FBXO41: variants seen among roughly 807,000 people sequenced by gnomAD.
FBXO41 encodes F-box protein 41, also known as F-box only protein 41.
In FBXO41, 33 loss-of-function variants were observed where a neutral mutation model predicts 81.6. The ratio of observed to expected loss-of-function variants is 0.40; its 90% CI spans 0.31 to 0.54. The LOEUF is 0.54. Ranked by LOEUF, FBXO41 falls within the 20% of genes least tolerant of loss-of-function variation. The probability of loss-of-function intolerance (pLI) is 0.39; values close to 1 mark genes in which losing one functional copy is unlikely to be tolerated. For missense variants in FBXO41, 1,107 were observed against 1,236.0 expected (o/e 0.90, Z 1.56); for synonymous variants, 576 against 552.7 (o/e 1.04, Z -0.59).
chr2:73,259,384 A>C lies in FBXO41; in HGVS notation c.2450-88T>G. 24 of 1,094,578 alleles carry C rather than the reference A, an allele frequency of 2.2e-5. No individual in the cohort carries two copies. Among genetic ancestry groups the C allele is most frequent in the Non-Finnish European group, 2.9e-5 (21 of 723,000 alleles). The allele number at this position is 1,094,578 out of a possible 1,614,324, so 67.8% of individuals were successfully genotyped here. A position where few individuals can be genotyped will look rare whatever the true frequency, so the allele number is the denominator to read the frequency against. On this transcript the variant is annotated intron_variant, in intron 11 of 12. Transcript: ENST00000520530. This position sits in a 1 kb window ranked among gnomAD's most constrained non-coding sequence, Gnocchi z 4.2. ...TCTCACTAATTAATGAAATCAGACA[A>C]TCAGGTGCCAGCTACCGGGAACACG... is the stretch of plus-strand genomic sequence containing the variant.
chr2:73,265,621 C>G lies in FBXO41; in HGVS notation c.1225G>C (p.Ala409Pro). The G allele has an allele frequency of 3.3e-6, 5 of 1,518,682 alleles. No individual in the cohort carries two copies. The highest frequency in any genetic ancestry group is 1.8e-4 in the Middle Eastern group (1 of 5,628). 94.1% of individuals were successfully genotyped at this position (1,518,682 alleles called of 1,614,324 possible). A position where few individuals can be genotyped will look rare whatever the true frequency, so the allele number is the denominator to read the frequency against. Reference sequence around the variant, plus strand: ...TAGCAGCCTGAGCTCTGGGATGCGGCTGGCACACGGCTGGAGGCCCTGGGG... The same window carrying G: ...TAGCAGCCTGAGCTCTGGGATGCGGGTGGCACACGGCTGGAGGCCCTGGGG... ...PSTGASSRVP[A>P]ASQSSGCYDS... Residue 409 changes from alanine to proline, a missense_variant, in exon 5 of 13, where the codon GCC becomes CCC. Around this residue, in one of 2 missense-constraint regions of FBXO41, gnomAD observed 771 missense variants for 789.2 expected, o/e 0.98. Coordinates refer to ENST00000520530, the MANE Select transcript of FBXO41 (RefSeq NM_001371389.2).
At chr2:73,264,965 G>T (rs1003037823) in intron 5 of FBXO41, among the ~76,000 whole-genome samples, 1 of 152,020 alleles carries the variant, frequency 6.6e-6, no homozygotes, top group African/African-American at 2.4e-5. Context: ...CTGTGAATAC[G>T]GTGGGGGGCC....
rs942940607 is a variant in FBXO41, at chr2:73,256,468, G to A, written c.*2514C>T. 2 of 152,206 alleles carry A rather than the reference G, an allele frequency of 1.3e-5. No individual in the cohort carries two copies. The highest frequency in any genetic ancestry group is 2.9e-5 in the Non-Finnish European group (2 of 68,130). 9.4% of individuals were successfully genotyped at this position (152,206 alleles called of 1,614,324 possible). ...TGCCAGTGCTTGGGCATGCATGAAG[G>A]CTAGGGGGCACAAGTCTGTCAGCCC... On this transcript the variant is annotated 3_prime_UTR_variant, in exon 13 of 13. Coordinates refer to ENST00000520530, the MANE Select transcript of FBXO41 (RefSeq NM_001371389.2).
rs370256664 is a variant in FBXO41, at chr2:73,264,511, C to G, written c.1573G>C (p.Glu525Gln). 1 of 1,613,446 alleles carries G rather than the reference C, an allele frequency of 6.2e-7. No individual in the cohort carries two copies. Among genetic ancestry groups the G allele is most frequent in the African/African-American group, 1.3e-5 (1 of 74,896 alleles). ...LSSCRLSARPEGGSGRGRRAE... is the reference protein window; with the variant it reads ...LSSCRLSARPQGGSGRGRRAE... ...CGCCGACCCCGCCCACTGCCTCCCTCGGGGCGGGCTGCAGAATACCAGGGG... is the reference window on the plus strand; with the variant it reads ...CGCCGACCCCGCCCACTGCCTCCCTGGGGGCGGGCTGCAGAATACCAGGGG... Residue 525 changes from glutamate to glutamine, a missense_variant, in exon 6 of 13, where the codon GAG becomes CAG. Physicochemically the swap from Glu to Gln is conservative, Grantham distance 29. Coordinates refer to ENST00000520530, the MANE Select transcript of FBXO41 (RefSeq NM_001371389.2).
chr2:73,260,432 G>C lies in FBXO41; in HGVS notation c.2406C>G (p.Leu802=), dbSNP rs1286356739. ...CCTTAGGGGTGACGGGAGTCGCCGT[G>C]AGCACCAGCATCTCCAGTCCCTTCA... The part of the protein sequence containing the change: ...EGLKGLEMLV[L]TATPVTPKAL... Residue 802 remains leucine (L), a synonymous_variant, in exon 11 of 13, where the codon CTC becomes CTG. Coordinates refer to ENST00000520530, the MANE Select transcript of FBXO41 (RefSeq NM_001371389.2). This position sits in a 1 kb window ranked among gnomAD's most constrained non-coding sequence, Gnocchi z 5.0. 2 of 1,610,724 alleles carry C rather than the reference G, an allele frequency of 1.2e-6. No individual in the cohort carries two copies. The highest frequency in any genetic ancestry group is 3.4e-5 in the Admixed American group (2 of 59,678).
chr2:73,274,055 A>G (rs774519970), intron 1 of FBXO41, among the ~76,000 whole-genome samples: 5 of 152,072 alleles, frequency 3.3e-5, no homozygotes, highest in Non-Finnish European at 5.9e-5. Flanking sequence ...ACCTCATCAC[A>G]TCTAGACTGC....
intron 1 of FBXO41, among the ~76,000 whole-genome samples, chr2:73,276,760 G>C (rs1688703359): frequency 6.6e-6 from 1 of 151,890 alleles, no homozygotes; most frequent in African/African-American, 2.4e-5. Context: ...TGCTTTTCTA[G>C]GAAAATATAA....
intron 1 of FBXO41, among the ~76,000 whole-genome samples, chr2:73,276,878 A>T (rs1236828187): frequency 6.7e-6 from 1 of 150,358 alleles, no homozygotes; most frequent in African/African-American, 2.5e-5. Flanking sequence ...GAGTTCACAC[A>T]CATACAGAAC....
intron 1 of FBXO41, among the ~76,000 whole-genome samples, chr2:73,279,569 G>T (rs375810167): frequency 1.3e-5 from 2 of 152,260 alleles, no homozygotes; most frequent in African/African-American, 4.8e-5. Flanking sequence ...TCCAGGAGAG[G>T]AGTGAGCAAC....
chr2:73,272,874 GA>G (rs1430670231), intron 1 of FBXO41: 1 of 152,248 alleles, frequency 6.6e-6, no homozygotes, highest in East Asian at 1.9e-4. Context: ...TGTATTGCCA[GA>G]AAGCCCCCAC....
chr2:73,270,973 A>T, intron 1 of FBXO41: 1 of 530,446 alleles, frequency 1.9e-6, no homozygotes, highest in Middle Eastern at 3.2e-4. Context: ...CCATCTTCAC[A>T]GCTGCCATGA....
rs1002291639 is a variant in FBXO41 at position 73,284,422 on chromosome 2, G to T, written c.-401C>A. ...GGAGGAGGAGGAGGAGGAGGGGGAG[G>T]AGGGGGCGCGCGGGCCGAGGAAAGC... On this transcript the variant is annotated 5_prime_UTR_variant, in exon 1 of 13. Transcript: ENST00000520530. This position sits in a 1 kb window ranked among gnomAD's most constrained non-coding sequence, Gnocchi z 7.4. 1 of 152,596 alleles carries T rather than the reference G, an allele frequency of 6.6e-6. No individual in the cohort carries two copies. The highest frequency in any genetic ancestry group is 6.5e-5 in the Admixed American group (1 of 15,294). 9.5% of individuals were successfully genotyped at this position (152,596 alleles called of 1,614,324 possible).
At position 73,284,004 on chromosome 2, in the gene FBXO41, G is replaced by T. The variant is rs1034589510; in HGVS notation, c.-139+156C>A. 1.3e-5 allele frequency: 2 copies of T among 152,306 alleles called. No homozygotes were observed. The highest frequency in any genetic ancestry group is 1.3e-4 in the Admixed American group (2 of 15,288). The allele number at this position is 152,306 out of a possible 1,614,324, so 9.4% of individuals were successfully genotyped here. ...TTAAATTAACCCCTTCCCTGCCTCT[G>T]GTCTGGCCTGCCCAGAATCCCTCCC... On this transcript the variant is annotated intron_variant, in intron 1 of 12. Transcript: ENST00000520530. This position sits in a 1 kb window ranked among gnomAD's most constrained non-coding sequence, Gnocchi z 7.4.
rs999040170 is a variant in FBXO41, at chr2:73,260,557, G to A, written c.2291-10C>T. On this transcript the variant is annotated splice_polypyrimidine_tract_variant and intron_variant, in intron 10 of 12. Transcript: ENST00000520530. This position sits in a 1 kb window ranked among gnomAD's most constrained non-coding sequence, Gnocchi z 5.0. Reference sequence around the variant, plus strand: ...CGCATGCAGTTTCTCGCTAGGAAGAGGAAGAAGGGGGATCCTGCTGACACA... The same window carrying A: ...CGCATGCAGTTTCTCGCTAGGAAGAAGAAGAAGGGGGATCCTGCTGACACA... 1.2e-5 allele frequency: 19 copies of A among 1,578,946 alleles called. No individual in the cohort carries two copies. The Admixed American group carries it at 1.6e-4, about 14-fold the overall frequency.
At chr2:73,264,197 C>T (rs1373841812) in intron 6 of FBXO41, 81 bp downstream of exon 6, 1 of 1,598,148 alleles carries the variant, frequency 6.3e-7, no homozygotes, top group Non-Finnish European at 8.5e-7. Flanking sequence ...GTTGCAAGGA[C>T]CAGACCTCAA....
In FBXO41 at chr2:73,266,757, A is replaced by T. The variant is rs1688295241; in HGVS notation, c.906-75T>A. 9 of 1,454,236 alleles carry T rather than the reference A, an allele frequency of 6.2e-6. No individual in the cohort carries two copies. The highest frequency in any genetic ancestry group is 2.9e-5 in the African/African-American group (2 of 69,344). The allele number at this position is 1,454,236 out of a possible 1,614,324, so 90.1% of individuals were successfully genotyped here. A position where few individuals can be genotyped will look rare whatever the true frequency, so the allele number is the denominator to read the frequency against. On this transcript the variant is annotated intron_variant, in intron 2 of 12. Transcript: ENST00000520530. The surrounding 1 kb of genome is among the most constrained non-coding windows in gnomAD (Gnocchi z 5.3). ...CCACCCTCTGGAGGAGAGCCTGGCC[A>T]GTGCGGGGAGACACTGGCACAGCTG...
intron 1 of FBXO41, among the ~76,000 whole-genome samples, chr2:73,276,659 A>T (rs1461097758): frequency 6.6e-6 from 1 of 151,612 alleles, no homozygotes; most frequent in South Asian, 2.1e-4. Flanking sequence ...GGGGGAAAAA[A>T]AAAGATAACT....
In FBXO41 at chr2:73,268,858, A is replaced by T. The variant is rs1219045143; in HGVS notation, c.773T>A (p.Leu258His). 2 of 1,567,340 alleles carry T rather than the reference A, an allele frequency of 1.3e-6. No individual in the cohort carries two copies. The highest frequency in any genetic ancestry group is 1.7e-6 in the Non-Finnish European group (2 of 1,158,186). ...LETARQESAR[L>H]GREKEELEER... ...CTCCAGCTCCTCCTTCTCGCGCCCG[A>T]GCCTCGCACTCTCCTGCCGCGCAGT... The change falls in exon 2 of 13, where the codon CTC becomes CAC. Residue 258 changes from leucine to histidine, a missense_variant. This residue lies in a region of FBXO41 where 771 missense variants were observed against 789.2 expected (regional missense o/e 0.98). Transcript: ENST00000520530.
chr2:73,266,056 G>T lies in FBXO41; in HGVS notation c.1132-90C>A. The T allele has an allele frequency of 8.8e-7, 1 of 1,130,464 alleles. No individual in the cohort carries two copies. The highest frequency in any genetic ancestry group is 1.3e-6 in the Non-Finnish European group (1 of 770,968). The allele number at this position is 1,130,464 out of a possible 1,614,324, so 70.0% of individuals were successfully genotyped here. A position where few individuals can be genotyped will look rare whatever the true frequency, so the allele number is the denominator to read the frequency against. On this transcript the variant is annotated intron_variant, in intron 3 of 12. Transcript: ENST00000520530. The surrounding 1 kb of genome is among the most constrained non-coding windows in gnomAD (Gnocchi z 5.3). ...AGCAGGGGAAACAGGGCAAAAGATG[G>T]AGAGGAGATGGGGGAGAGGAGAGAG...
Sources: allele counts gnomAD v4.1 joint callset (sites outside exome capture counted in the v4.1 genomes callset), GRCh38; gene constraint gnomAD v4.1.1; regional missense constraint gnomAD v4.1.1; non-coding constraint Gnocchi (gnomAD v3.1); transcripts MANE v1.5; gene names NCBI Gene and HGNC (gene_info 2026-07-23, HGNC 2026-07-21).